Variants in CAPZB observed in about 807,000 individuals in gnomAD.
CAPZB encodes capping actin protein of muscle Z-line subunit beta.
A neutral mutation model predicts 38.1 loss-of-function variants in CAPZB; 2 were observed. The ratio of observed to expected loss-of-function variants is 0.05; its 90% confidence interval spans 0.02 to 0.17. The LOEUF (loss-of-function observed/expected upper bound fraction) is 0.17. Among genes scored for constraint, CAPZB ranks in the 10% least tolerant of loss-of-function variants. The pLI, the probability that CAPZB is intolerant of heterozygous loss-of-function variation, is 1.00. For synonymous variants in CAPZB, 107 were observed against 127.4 expected, an observed-to-expected ratio of 0.84 and a Z score of 1.08; for missense variants, 161 against 334.2, an observed-to-expected ratio of 0.48 and a Z score of 4.04.
chr1:19,438,008 G>A (rs951213936), intron 1 of CAPZB, among the ~76,000 whole-genome samples: 10 of 152,228 alleles, frequency 6.6e-5, no homozygotes, highest in South Asian at 2.1e-4. Context: ...GATGGCCTAC[G>A]AATGCTCAGC....
intron 1 of CAPZB, among the ~76,000 whole-genome samples, chr1:19,436,384 T>G (rs950918380): frequency 3.2e-4 from 48 of 152,332 alleles, no homozygotes; most frequent in African/African-American, 1.2e-3. Context: ...CTTATTTTGC[T>G]TCATAATGGC....
chr1:19,446,322 G>A (rs992462110), intron 1 of CAPZB, among the ~76,000 whole-genome samples: 1 of 152,172 alleles, frequency 6.6e-6, no homozygotes, highest in African/African-American at 2.4e-5. Flanking sequence ...TTAGTCCCTG[G>A]AAGTACTCAA....
intron 1 of CAPZB, among the ~76,000 whole-genome samples, chr1:19,445,366 CTTTT>C (rs34332615): frequency 6.7e-5 from 10 of 148,794 alleles, no homozygotes; most frequent in Admixed American, 6.0e-4. Flanking sequence ...TTTTGAGTGA[CTTTT>C]TTTTTTTTAA....
chr1:19,447,320 A>C (rs1353150107), intron 1 of CAPZB, among the ~76,000 whole-genome samples: 2 of 128,194 alleles, frequency 1.6e-5, no homozygotes, highest in Non-Finnish European at 3.1e-5. Flanking sequence ...ACTCTATTCA[A>C]GCAATTCTCC....
chr1:19,348,057 C>T (rs1011171714), intron 6 of CAPZB, among the ~76,000 whole-genome samples: 10 of 152,124 alleles, frequency 6.6e-5, no homozygotes, highest in Admixed American at 5.9e-4. Flanking sequence ...GATGAGATGT[C>T]GCTACTAGGA....
chr1:19,455,976 C>T lies in CAPZB; in HGVS notation c.3+29460G>A, dbSNP rs139926511. Among the ~76,000 whole-genome samples, 89 of 152,306 alleles carry T rather than the reference C, an allele frequency of 5.8e-4. 2 individuals carry two copies. Among genetic ancestry groups the T allele is most frequent in the Middle Eastern group, 3.4e-3 (1 of 294 alleles). Reference sequence around the variant, plus strand: ...TTGCCCAGGGTGGAGTGCAGTGGCACGATCTCAGCTCTGCAACCTCTGCCT... The same window carrying T: ...TTGCCCAGGGTGGAGTGCAGTGGCATGATCTCAGCTCTGCAACCTCTGCCT... On this transcript the variant is annotated intron_variant, in intron 1 of 8. Coordinates refer to ENST00000264202, the MANE Select transcript of CAPZB (RefSeq NM_004930.5).
chr1:19,351,076 G>A (rs550773549), intron 6 of CAPZB, among the ~76,000 whole-genome samples: 6 of 151,046 alleles, frequency 4.0e-5, no homozygotes, highest in African/African-American at 9.7e-5. Context: ...TCTGCCTCCC[G>A]GGTTCAAGTG....
In CAPZB at chr1:19,339,456, G is replaced by A; in HGVS notation, c.*74C>T. The A allele has an allele frequency of 9.4e-7, 1 of 1,067,114 alleles. No individual in the cohort carries two copies. The highest frequency in any genetic ancestry group is 1.2e-5 in the South Asian group (1 of 80,122). 66.1% of individuals were successfully genotyped at this position (1,067,114 alleles called of 1,614,324 possible). On this transcript the variant is annotated 3_prime_UTR_variant, in exon 9 of 9. Transcript: ENST00000264202. The stretch of plus-strand genomic sequence containing the variant: ...TCGGGGAGGGAAGGGACGAGGGAAG[G>A]GAGCAGAAAACGAGTTTTCTAAGAA...
At chr1:19,466,342 A>T (rs923181592) in intron 1 of CAPZB, among the ~76,000 whole-genome samples, 1 of 152,232 alleles carries the variant, frequency 6.6e-6, no homozygotes, top group Non-Finnish European at 1.5e-5. Context: ...TGGCTAATAA[A>T]CAGTGAGAGC....
At chr1:19,342,550 T>C (rs941997667) in intron 8 of CAPZB, among the ~76,000 whole-genome samples, 8 of 151,716 alleles carry the variant, frequency 5.3e-5, no homozygotes, top group Non-Finnish European at 4.4e-5. Flanking sequence ...CCACCCAGAG[T>C]GGAAAGCACA....
chr1:19,376,884 C>A (rs1040427841), intron 4 of CAPZB, among the ~76,000 whole-genome samples: 6 of 152,148 alleles, frequency 3.9e-5, no homozygotes, highest in African/African-American at 1.4e-4. Context: ...CCAGTTCCAC[C>A]ACTTACTAGC....
chr1:19,420,055 G>T, intron 1 of CAPZB: 1 of 325,364 alleles, frequency 3.1e-6, no homozygotes, highest in Non-Finnish European at 5.7e-6. Flanking sequence ...AACAGGCCCT[G>T]GTGGCTGCAG....
intron 1 of CAPZB, among the ~76,000 whole-genome samples, chr1:19,434,435 C>G (rs775323415): frequency 2.0e-5 from 3 of 151,208 alleles, no homozygotes; most frequent in Non-Finnish European, 4.4e-5. Flanking sequence ...AAAACAAAAA[C>G]AGGCATTGGC....
intron 1 of CAPZB, among the ~76,000 whole-genome samples, chr1:19,453,331 G>A (rs781137118): frequency 1.3e-5 from 2 of 151,886 alleles, no homozygotes; most frequent in Non-Finnish European, 2.9e-5. Context: ...GCACAATCTC[G>A]GCTCACTGCA....
At chr1:19,442,244 G>A (rs905701981) in intron 1 of CAPZB, among the ~76,000 whole-genome samples, 2 of 151,970 alleles carry the variant, frequency 1.3e-5, no homozygotes, top group East Asian at 1.9e-4. Context: ...TGTTTACATC[G>A]GGTACACTAT....
chr1:19,476,167 A>AGTAG (rs1166046460), intron 1 of CAPZB, among the ~76,000 whole-genome samples: 23 of 142,542 alleles, frequency 1.6e-4, no homozygotes, highest in African/African-American at 5.5e-4. Context: ...CTAAAAAATA[A>AGTAG]GTAGATAGAT....
Position 19,445,221 on chromosome 1 carries a change from G to C in CAPZB, c.4-25471C>G, listed in dbSNP as rs2094492238. Among the ~76,000 whole-genome samples the C allele has an allele frequency of 3.3e-5, 5 of 152,174 alleles. No individual in the cohort carries two copies. In the South Asian group the frequency reaches 1.0e-3, roughly 32 times the overall value. ...AAGTTTGCAAAGGTGTTTTAAGCAA[G>C]TGGGAATAAGACTTATGTGACCCAA... On this transcript the variant is annotated intron_variant, in intron 1 of 8. Transcript: ENST00000264202.
rs906852877 is a variant in CAPZB, at chr1:19,385,393, C to T, written c.215+112G>A. 4 of 1,227,366 alleles carry T rather than the reference C, an allele frequency of 3.3e-6. No individual in the cohort carries two copies. The African/African-American group carries it at 6.0e-5, about 18-fold the overall frequency. 76.0% of individuals were successfully genotyped at this position (1,227,366 alleles called of 1,614,324 possible). A position where few individuals can be genotyped will look rare whatever the true frequency, so the allele number is the denominator to read the frequency against. ...GGGCAGGGAACAAACGGAAGGAAAG[C>T]TGAATGGGCTGCCAGCTGCCCAAGT... On this transcript the variant is annotated intron_variant, in intron 3 of 8. Transcript: ENST00000264202.
rs60330360 is a variant in CAPZB, at chr1:19,469,741, T to TACACACACACACACAC, written c.3+15679_3+15694dup. On this transcript the variant is annotated intron_variant, in intron 1 of 8. Coordinates refer to ENST00000264202, the MANE Select transcript of CAPZB (RefSeq NM_004930.5). ...AAGATACTCAAAAGGAGGAAAAGAATACACACACACACACACACACACACA... is the reference window on the plus strand; with the variant it reads ...AAGATACTCAAAAGGAGGAAAAGAATACACACACACACACACACACACACACACACACACACACACA... Among the ~76,000 whole-genome samples the TACACACACACACACAC allele has an allele frequency of 1.9e-3, 266 of 136,712 alleles. 1 individual carries two copies. Among genetic ancestry groups the TACACACACACACACAC allele is most frequent in the South Asian group, 3.9e-3 (16 of 4,154 alleles). The allele number at this position is 136,712 out of a possible 152,430, so 89.7% of individuals were successfully genotyped here. A position where few individuals can be genotyped will look rare whatever the true frequency, so the allele number is the denominator to read the frequency against.
Sources: gnomAD v4.1 joint callset for allele counts (sites outside exome capture counted in the v4.1 genomes callset) on GRCh38, gnomAD v4.1.1 for gene constraint, MANE v1.5 for transcripts, NCBI Gene and HGNC (gene_info 2026-07-23, HGNC 2026-07-21) for gene names.